The following GDAP1 variants were observed in gnomAD, a reference collection of about 807,000 sequenced individuals.
GDAP1 encodes ganglioside induced differentiation associated protein 1, also known as ganglioside-induced differentiation-associated protein 1.
In GDAP1, 34 loss-of-function variants were observed where a neutral mutation model predicts 40.1. The observed-to-expected ratio is 0.85, with a 90% CI of 0.64 to 1.13. The LOEUF is 1.13. Ranked by LOEUF, GDAP1 falls within the 50% of genes most tolerant of loss-of-function variation. GDAP1 has a pLI of 0.00. For synonymous variants in GDAP1, 170 were observed against 157.4 expected (o/e 1.08, Z -0.60); for missense variants, 374 against 433.7 (o/e 0.86, Z 1.22).
At chr8:74,386,311 T>G (rs1334076034) in intron 2 of GDAP1, among the ~76,000 whole-genome samples, 1 of 152,228 alleles carries the variant, frequency 6.6e-6, no homozygotes, top group East Asian at 1.9e-4. Flanking sequence ...CTAGGGTTTT[T>G]GTGATTTTAG....
intron 2 of GDAP1, among the ~76,000 whole-genome samples, chr8:74,358,321 A>G (rs1025795822): frequency 2.6e-5 from 4 of 152,254 alleles, no homozygotes; most frequent in Non-Finnish European, 5.9e-5. Context: ...GCCCAGTACC[A>G]GAAAGCAGCC....
chr8:74,440,389 T>C (rs796744712), intron 2 of GDAP1, among the ~76,000 whole-genome samples: 9 of 152,282 alleles, frequency 5.9e-5, no homozygotes, highest in African/African-American at 2.2e-4. Context: ...TTGTATTCCT[T>C]GCCAGTGTAC....
intron 2 of GDAP1, among the ~76,000 whole-genome samples, chr8:74,391,536 T>G (rs924592371): frequency 1.3e-5 from 2 of 151,670 alleles, no homozygotes; most frequent in Non-Finnish European, 2.9e-5. Context: ...CCCAATGAGA[T>G]GACCTGGGTA....
At chr8:74,464,431 C>T (rs1390438078) in intron 2 of GDAP1, among the ~76,000 whole-genome samples, 1 of 152,158 alleles carries the variant, frequency 6.6e-6, no homozygotes, top group Admixed American at 6.5e-5. Flanking sequence ...CCCTAAGCAA[C>T]AGCAATTGAA....
chr8:74,446,176 C>G (rs1312568843), intron 2 of GDAP1, among the ~76,000 whole-genome samples: 1 of 152,134 alleles, frequency 6.6e-6, no homozygotes, highest in African/African-American at 2.4e-5. Flanking sequence ...GATTATTGCA[C>G]CACCAATATT....
chr8:74,457,780 C>T (rs946192591), intron 2 of GDAP1, among the ~76,000 whole-genome samples: 5 of 152,048 alleles, frequency 3.3e-5, no homozygotes, highest in Non-Finnish European at 7.4e-5. Context: ...TAGAGAATGA[C>T]CACAATCACC....
At chr8:74,430,693 T>C (rs1390896723) in intron 2 of GDAP1, among the ~76,000 whole-genome samples, 2 of 151,948 alleles carry the variant, frequency 1.3e-5, no homozygotes. Context: ...GCTGCATAAA[T>C]ATTTTACGTA....
intron 2 of GDAP1, among the ~76,000 whole-genome samples, chr8:74,477,939 G>A (rs569208817): frequency 6.6e-6 from 1 of 152,320 alleles, no homozygotes; most frequent in South Asian, 2.1e-4. Flanking sequence ...GTCCGTTCTT[G>A]CTGATGGTGG....
chr8:74,401,036 G>T (rs1247191010), intron 2 of GDAP1, among the ~76,000 whole-genome samples: 1 of 149,174 alleles, frequency 6.7e-6, no homozygotes, highest in East Asian at 1.9e-4. Flanking sequence ...GTGTCTTGGG[G>T]TTGCTCTTCT....
At chr8:74,444,691 G>A (rs1806207232) in intron 2 of GDAP1, among the ~76,000 whole-genome samples, 1 of 152,108 alleles carries the variant, frequency 6.6e-6, no homozygotes, top group Non-Finnish European at 1.5e-5. Flanking sequence ...GTTGGGTTAT[G>A]GTTTTGCACC....
At chr8:74,437,565 T>C (rs570913671) in intron 2 of GDAP1, among the ~76,000 whole-genome samples, 20 of 152,290 alleles carry the variant, frequency 1.3e-4, no homozygotes, top group African/African-American at 4.8e-4. Flanking sequence ...TTCACATCTC[T>C]CTTTCCCATG....
At chr8:74,416,842 T>G (rs1805785793) in intron 2 of GDAP1, among the ~76,000 whole-genome samples, 1 of 149,476 alleles carries the variant, frequency 6.7e-6, no homozygotes, top group Non-Finnish European at 1.5e-5. Flanking sequence ...AGGAGCACCC[T>G]GTGGAACAAA....
chr8:74,361,466 G>A (rs1490320592), intron 3 of GDAP1, among the ~76,000 whole-genome samples: 1 of 151,492 alleles, frequency 6.6e-6, no homozygotes, highest in South Asian at 2.1e-4. Flanking sequence ...GCATCATCTC[G>A]GCTCACTGCA....
chr8:74,483,139 T>G (rs10104375), intron 2 of GDAP1, among the ~76,000 whole-genome samples: 1,739 of 152,224 alleles, frequency 0.011, 22 homozygotes, highest in African/African-American at 0.039. Context: ...GGACACACAG[T>G]TAGAGTTCTA....
At chr8:74,457,971 T>C (rs565576491) in intron 2 of GDAP1, among the ~76,000 whole-genome samples, 22 of 152,296 alleles carry the variant, frequency 1.4e-4, no homozygotes, top group Admixed American at 3.9e-4. Flanking sequence ...ATATGACTTA[T>C]GATAATTCTT....
rs528623141 is a variant in GDAP1, at chr8:74,469,563, G to T, written c.166-19115G>T. On this transcript the variant is annotated intron_variant, in intron 2 of 2. Coordinates refer to the GDAP1 transcript ENST00000523640. ...GGCGCCTGTAGTCCCAGCTACTCGGGAGGCTGAGGCAGGAGAATGGCGTGA... is the reference window on the plus strand; with the variant it reads ...GGCGCCTGTAGTCCCAGCTACTCGGTAGGCTGAGGCAGGAGAATGGCGTGA... Among the ~76,000 whole-genome samples the T allele has an allele frequency of 5.0e-3, 763 of 152,112 alleles. 4 individuals carry two copies. The highest frequency in any genetic ancestry group is 0.018 in the African/African-American group (732 of 41,490).
intron 2 of GDAP1, among the ~76,000 whole-genome samples, chr8:74,471,378 A>G (rs1806552260): frequency 6.6e-6 from 1 of 151,380 alleles, no homozygotes; most frequent in African/African-American, 2.4e-5. Flanking sequence ...CTAGTGGTTT[A>G]TTTTACTTAA....
At chr8:74,410,472 A>C (rs574862030) in intron 2 of GDAP1, among the ~76,000 whole-genome samples, 9 of 150,400 alleles carry the variant, frequency 6.0e-5, no homozygotes, top group African/African-American at 2.3e-4. Flanking sequence ...GTTCAGTATT[A>C]GAGTTTTCAT....
intron 2 of GDAP1, among the ~76,000 whole-genome samples, chr8:74,465,531 TC>T (rs1489707734): frequency 6.6e-6 from 1 of 152,204 alleles, no homozygotes; most frequent in Non-Finnish European, 1.5e-5. Context: ...TTCTCATCTT[TC>T]CCCAACACAG....
Sources: allele counts gnomAD v4.1 joint callset (sites outside exome capture counted in the v4.1 genomes callset), GRCh38; gene constraint gnomAD v4.1.1; transcripts MANE v1.5; gene names NCBI Gene and HGNC (gene_info 2026-07-23, HGNC 2026-07-21).